The following TRIM66 variants were observed in gnomAD, a reference collection of about 807,000 sequenced individuals.
TRIM66 encodes tripartite motif containing 66, also known as tripartite motif-containing protein 66.
Under a neutral mutation model 148.2 loss-of-function variants are expected in TRIM66, and 99 were observed. That is an observed-to-expected ratio of 0.67 (90% CI 0.57 to 0.79). TRIM66 has a LOEUF of 0.79. TRIM66 is among the 30% of genes least tolerant of loss of function. The pLI is 0.00. For missense variants in TRIM66, 1,666 were observed against 1,697.9 expected (o/e 0.98, Z 0.33); for synonymous variants, 616 against 635.9 (o/e 0.97, Z 0.47).
intron 15 of TRIM66, among the ~76,000 whole-genome samples, chr11:8,636,829 C>T (rs4929926): frequency 0.59 from 89,229 of 151,912 alleles, 26,661 homozygotes; most frequent in Non-Finnish European, 0.65. Context: ...TCACATCCCC[C>T]AAGACTGAAT....
At chr11:8,629,637 T>C (rs917468370) in intron 15 of TRIM66, among the ~76,000 whole-genome samples, 1 of 152,220 alleles carries the variant, frequency 6.6e-6, no homozygotes, top group African/African-American at 2.4e-5. Flanking sequence ...GAGGAAGACA[T>C]GCAGACTGAG....
At chr11:8,637,499 C>T (rs2035989357) in intron 15 of TRIM66, among the ~76,000 whole-genome samples, 1 of 152,216 alleles carries the variant, frequency 6.6e-6, no homozygotes, top group African/African-American at 2.4e-5. Context: ...AGGACAGGCA[C>T]AGACAAAAAG....
At position 8,640,933 on chromosome 11, in the gene TRIM66, AC is replaced by A. The variant is rs1565517697; in HGVS notation, c.1441del (p.Val481SerfsTer71). 6.4e-7 allele frequency: 1 copy of A among 1,550,460 alleles called. No homozygotes were observed. Among genetic ancestry groups the A allele is most frequent in the Non-Finnish European group, 8.7e-7 (1 of 1,146,844 alleles). ...SPVSPSLKGQ[V>X]PPPSIHPAHS... The stretch of plus-strand genomic sequence containing the variant: ...GGCTGGGTGTATGCTGGGTGGGGGG[AC>A]CTGGCCTTTGAGGGAAGGCGAGACT... On this transcript the variant is annotated frameshift_variant, in exon 14 of 25. Transcript: ENST00000646038. LOFTEE classifies it high-confidence loss of function.
Position 8,614,519 on chromosome 11 carries a change from G to A in TRIM66, c.*3425C>T, listed in dbSNP as rs2033602894. ...GAGAGAGGGCTGAGGTCATGGAAAT[G>A]GACTAAAGGAGCAGGGCAATTTTAG... On this transcript the variant is annotated 3_prime_UTR_variant, in exon 25 of 25. Coordinates refer to ENST00000646038, the MANE Select transcript of TRIM66 (RefSeq NM_001388022.1). 6.6e-6 allele frequency: 1 copy of A among 152,476 alleles called. No individual in the cohort carries two copies. Among genetic ancestry groups the A allele is most frequent in the South Asian group, 2.1e-4 (1 of 4,832 alleles). 9.4% of individuals were successfully genotyped at this position (152,476 alleles called of 1,614,324 possible). A position where few individuals can be genotyped will look rare whatever the true frequency, so the allele number is the denominator to read the frequency against.
Position 8,618,454 on chromosome 11 carries a change from C to T in TRIM66, c.4119+296G>A, listed in dbSNP as rs550130055. 7.9e-5 allele frequency among the ~76,000 whole-genome samples: 12 copies of T among 152,292 alleles called. No homozygotes were observed. In the South Asian group the frequency reaches 2.5e-3, roughly 32 times the overall value. ...CATCACAATCACAGTGTGGAGTAAC[C>T]AGCACCAAACTGGGAATCAGGACAA... On this transcript the variant is annotated intron_variant, in intron 24 of 24. Transcript: ENST00000646038.
chr11:8,635,604 T>C (rs527732536), intron 15 of TRIM66, among the ~76,000 whole-genome samples: 1 of 152,306 alleles, frequency 6.6e-6, no homozygotes, highest in East Asian at 1.9e-4. Context: ...GAGGGTCCTT[T>C]TTCTGGGAGT....
chr11:8,668,822 G>A (rs188043865), intron 6 of TRIM66, among the ~76,000 whole-genome samples: 4 of 152,144 alleles, frequency 2.6e-5, no homozygotes, highest in Admixed American at 2.6e-4. Context: ...CTGAGCTCAG[G>A]TAATCCGCCC....
At chr11:8,664,925 C>T (rs2133420738) in intron 6 of TRIM66, among the ~76,000 whole-genome samples, 1 of 152,224 alleles carries the variant, frequency 6.6e-6, no homozygotes, top group South Asian at 2.1e-4. Flanking sequence ...CCAGGCACAG[C>T]CCCTCTTCCA....
chr11:8,664,486 T>C (rs2038464556), intron 6 of TRIM66, among the ~76,000 whole-genome samples: 1 of 152,282 alleles, frequency 6.6e-6, no homozygotes, highest in East Asian at 1.9e-4. Flanking sequence ...CCTTAGTCTA[T>C]AAATATCCCA....
intron 6 of TRIM66, 65 bp from the exon 7 acceptor site, chr11:8,651,968 T>C (rs1467439889): frequency 3.1e-6 from 4 of 1,304,278 alleles, no homozygotes; most frequent in Non-Finnish European, 4.2e-6. Flanking sequence ...GGCCTGGACA[T>C]AAGGCTTTCT....
intron 15 of TRIM66, among the ~76,000 whole-genome samples, chr11:8,635,692 T>G (rs905863198): frequency 4.6e-5 from 7 of 152,156 alleles, no homozygotes; most frequent in African/African-American, 1.7e-4. Context: ...GGAGTCCCTT[T>G]TAATAAGGGG....
At chr11:8,658,597 A>C (rs2133358092) in intron 6 of TRIM66, 1 of 214,050 alleles carries the variant, frequency 4.7e-6, no homozygotes, top group Middle Eastern at 2.3e-3. Flanking sequence ...AGAATGATGC[A>C]ATCTGGGTAT....
intron 15 of TRIM66, among the ~76,000 whole-genome samples, chr11:8,632,811 G>A (rs993480208): frequency 1.3e-5 from 2 of 152,186 alleles, no homozygotes; most frequent in Non-Finnish European, 2.9e-5. Flanking sequence ...GACAATGAGT[G>A]TTCCTCCATC....
At chr11:8,642,959 A>T in intron 13 of TRIM66, 50 bp downstream of exon 13, 1 of 1,370,432 alleles carries the variant, frequency 7.3e-7, no homozygotes, top group East Asian at 2.6e-5. Context: ...TAAGCAATTA[A>T]GTCAAAGCCC....
At chr11:8,641,629 T>C (rs2036401019) in intron 13 of TRIM66, among the ~76,000 whole-genome samples, 1 of 151,702 alleles carries the variant, frequency 6.6e-6, no homozygotes, top group Non-Finnish European at 1.5e-5. Context: ...CGGAAGAGAG[T>C]GGGGAAGCTC....
intron 6 of TRIM66, 41 bp downstream of exon 6, chr11:8,671,745 T>A: frequency 1.1e-6 from 1 of 874,128 alleles, no homozygotes. Context: ...AAGAGACCTG[T>A]TATGTAGTGG....
chr11:8,644,053 C>A (rs2036634938), intron 12 of TRIM66, among the ~76,000 whole-genome samples: 2 of 152,182 alleles, frequency 1.3e-5, no homozygotes, highest in Admixed American at 1.3e-4. Context: ...AACCATTCTA[C>A]CTATGAGACC....
chr11:8,649,721 G>A lies in TRIM66; in HGVS notation c.592+19C>T. On this transcript the variant is annotated intron_variant, in intron 8 of 24. Coordinates refer to ENST00000646038, the MANE Select transcript of TRIM66 (RefSeq NM_001388022.1). Reference sequence around the variant, plus strand: ...TGCTTTAGGGCATGGGAGTGGGCAGGGAGAGGTGGGATTGGTACCTGGAGA... The same window carrying A: ...TGCTTTAGGGCATGGGAGTGGGCAGAGAGAGGTGGGATTGGTACCTGGAGA... The A allele has an allele frequency of 6.4e-7, 1 of 1,550,454 alleles. No individual in the cohort carries two copies. The highest frequency in any genetic ancestry group is 1.4e-5 in the African/African-American group (1 of 73,142).
chr11:8,664,406 C>A (rs2038457363), intron 6 of TRIM66, among the ~76,000 whole-genome samples: 1 of 152,128 alleles, frequency 6.6e-6, no homozygotes, highest in Admixed American at 6.5e-5. Flanking sequence ...GAGCAAAGTG[C>A]CACAATGTCG....
Sources: allele counts gnomAD v4.1 joint callset (sites outside exome capture counted in the v4.1 genomes callset), GRCh38; gene constraint gnomAD v4.1.1; transcripts MANE v1.5; gene names NCBI Gene and HGNC (gene_info 2026-07-23, HGNC 2026-07-21).